UTP14A: variants seen among roughly 807,000 people sequenced by gnomAD.
UTP14A encodes UTP14A small subunit processome component, also known as U3 small nucleolar RNA-associated protein 14 homolog A.
A neutral mutation model predicts 57.2 loss-of-function variants in UTP14A; 5 were observed. That is an observed-to-expected ratio of 0.09 (90% confidence interval 0.05 to 0.18). The LOEUF (loss-of-function observed/expected upper bound fraction) is 0.18. Among genes scored for constraint, UTP14A ranks in the 10% least tolerant of loss-of-function variants. The pLI is 1.00. For synonymous variants in UTP14A, 169 were observed against 210.9 expected, an observed-to-expected ratio of 0.80 and a Z score of 1.72; for missense variants, 430 against 562.1, an observed-to-expected ratio of 0.76 and a Z score of 2.38.
Position 129,911,167 on chromosome X carries a change from G to A in UTP14A, c.381+17G>A, listed in dbSNP as rs1929450884. On this transcript the variant is annotated intron_variant, in intron 5 of 14. Transcript: ENST00000394422. ...ATTGAACGGGTAAGCTACAGAGAAG[G>A]TGGTCTATTAAGGGAAAGAAATTGA... 2.5e-6 allele frequency: 3 copies of A among 1,199,401 alleles called. No individual in the cohort carries two copies. The East Asian group carries it at 8.9e-5, about 36-fold the overall frequency.
Position 129,921,180 on chromosome X carries a change from ACT to A in UTP14A, c.955-11_955-10del, listed in dbSNP as rs779053493. 159 of 1,191,023 alleles carry A rather than the reference ACT, an allele frequency of 1.3e-4. No individual in the cohort carries two copies. The South Asian group carries it at 2.7e-3, about 20-fold the overall frequency. The stretch of plus-strand genomic sequence containing the variant: ...CTAATGACAGGGCTCTCATGCTGTG[ACT>A]CTTTCCTCCAGGCTCGCCAAGCTAT... On this transcript the variant is annotated splice_polypyrimidine_tract_variant and intron_variant, in intron 10 of 14. Coordinates refer to ENST00000394422, the MANE Select transcript of UTP14A (RefSeq NM_006649.4).
intron 3 of UTP14A, chrX:129,908,383 C>G (rs1389762480): frequency 1.5e-5 from 6 of 406,224 alleles, no homozygotes; most frequent in Non-Finnish European, 2.1e-5. Flanking sequence ...AATAAATTTA[C>G]TTACCCCCAA....
chrX:129,909,916 A>G (rs994517424), intron 4 of UTP14A, among the ~76,000 whole-genome samples: 4 of 112,369 alleles, frequency 3.6e-5, no homozygotes, highest in African/African-American at 1.3e-4. Context: ...TCTACTAGGT[A>G]GCAGTATCAG....
chrX:129,918,417 C>T (rs1335627853), intron 6 of UTP14A, among the ~76,000 whole-genome samples: 2 of 96,884 alleles, frequency 2.1e-5, no homozygotes, highest in African/African-American at 7.7e-5. Context: ...AAAAAAAAAA[C>T]TAACCGCCCC....
At chrX:129,907,739 A>G (rs113771202) in intron 2 of UTP14A, among the ~76,000 whole-genome samples, 39 of 111,584 alleles carry the variant, frequency 3.5e-4, no homozygotes, top group South Asian at 1.1e-3. Context: ...GGCAGATCAC[A>G]AGGTCAGGAG....
Position 129,907,352 on chromosome X carries a change from T to C in UTP14A, c.27-15T>C. 8.3e-7 allele frequency: 1 copy of C among 1,201,982 alleles called. No homozygotes were observed. The highest frequency in any genetic ancestry group is 1.1e-6 in the Non-Finnish European group (1 of 890,947). Reference sequence around the variant, plus strand: ...GTATATTGCATTCACATTTCTCTGTTGCCTCTTTTAACAGCCTTCTGGCTT... The same window carrying C: ...GTATATTGCATTCACATTTCTCTGTCGCCTCTTTTAACAGCCTTCTGGCTT... On this transcript the variant is annotated splice_polypyrimidine_tract_variant and intron_variant, in intron 1 of 14. Coordinates refer to ENST00000394422, the MANE Select transcript of UTP14A (RefSeq NM_006649.4).
Position 129,907,274 on chromosome X carries a change from T to A in UTP14A, c.27-93T>A, listed in dbSNP as rs1929288022. 3 of 701,644 alleles carry A rather than the reference T, an allele frequency of 4.3e-6. No individual in the cohort carries two copies. In the East Asian group the frequency reaches 1.1e-4, roughly 25 times the overall value. 57.8% of individuals were successfully genotyped at this position (701,644 alleles called of 1,213,427 possible). On this transcript the variant is annotated intron_variant, in intron 1 of 14. Coordinates refer to ENST00000394422, the MANE Select transcript of UTP14A (RefSeq NM_006649.4). ...CTTCAAATAATAATATTTCTTTTTTTAATTTCGACTTTTATTATAATTAAG... is the reference window on the plus strand; with the variant it reads ...CTTCAAATAATAATATTTCTTTTTTAAATTTCGACTTTTATTATAATTAAG...
In UTP14A at chrX:129,915,512, G is replaced by A. The variant is rs1381147568; in HGVS notation, c.537+3591G>A. ...TGCACTCCAGCCTGGGCGACAGAGC[G>A]AGACTCTGTCTCAAAAAAAAAAAAA... On this transcript the variant is annotated intron_variant, in intron 6 of 14. Coordinates refer to ENST00000394422, the MANE Select transcript of UTP14A (RefSeq NM_006649.4). Among the ~76,000 whole-genome samples, 9 of 87,867 alleles carry A rather than the reference G, an allele frequency of 1.0e-4. No individual in the cohort carries two copies. In the East Asian group the frequency reaches 2.1e-3, roughly 21 times the overall value. 76.3% of individuals were successfully genotyped at this position (87,867 alleles called of 115,157 possible).
chrX:129,915,951 C>CTTT (rs767150196), intron 6 of UTP14A, among the ~76,000 whole-genome samples: 15 of 81,931 alleles, frequency 1.8e-4, no homozygotes, highest in African/African-American at 4.2e-4. Context: ...AATTCCATGA[C>CTTT]TTTTTTTTTT....
intron 14 of UTP14A, among the ~76,000 whole-genome samples, chrX:129,927,565 G>A (rs1003660436): frequency 8.9e-6 from 1 of 111,913 alleles, no homozygotes; most frequent in African/African-American, 3.3e-5. Flanking sequence ...GGAATGCAGT[G>A]GCACGATCCC....
chrX:129,925,924 TGAAGAG>T lies in UTP14A; in HGVS notation c.1758_1763del (p.Glu587_Glu588del). ...TCTCGCTTGTTTCTTCCCAGGAAGA[TGAAGAG>T]GAGAGAAACCATAGGCAGATGATAA... On this transcript the variant is annotated inframe_deletion, in exon 13 of 15. Coordinates refer to ENST00000394422, the MANE Select transcript of UTP14A (RefSeq NM_006649.4). The T allele has an allele frequency of 8.3e-7, 1 of 1,210,049 alleles. No individual in the cohort carries two copies. The highest frequency in any genetic ancestry group is 1.7e-5 in the African/African-American group (1 of 57,735).
intron 6 of UTP14A, chrX:129,913,492 CA>C: frequency 3.3e-6 from 1 of 307,252 alleles, no homozygotes; most frequent in Middle Eastern, 6.7e-4. Flanking sequence ...TTTTTACCCC[CA>C]TACTCACCCA....
At position 129,919,229 on chromosome X, in the gene UTP14A, C is replaced by T; in HGVS notation, c.592C>T (p.Pro198Ser). 2 of 1,211,787 alleles carry T rather than the reference C, an allele frequency of 1.7e-6. No homozygotes were observed. The highest frequency in any genetic ancestry group is 2.2e-6 in the Non-Finnish European group (2 of 895,457). The change falls in exon 7 of 15, where the codon CCA becomes TCA. Residue 198 changes from proline (P) to serine (S), a missense_variant. Around this residue, in one of 4 missense-constraint regions of UTP14A, gnomAD observed 145 missense variants for 153.5 expected, o/e 0.94. Coordinates refer to ENST00000394422, the MANE Select transcript of UTP14A (RefSeq NM_006649.4). ...CAACCTCCTCCATAAGAACAAGCAG[C>T]CAGTGACAGACCCTTTACTGACCCC... is the stretch of plus-strand genomic sequence containing the variant. ...IFNLLHKNKQ[P>S]VTDPLLTPVE...
chrX:129,921,943 A>C (rs1192746356), intron 11 of UTP14A: 1 of 159,348 alleles, frequency 6.3e-6, no homozygotes, highest in Non-Finnish European at 1.2e-5. Flanking sequence ...TAGAATGGCA[A>C]ATCTGAAAGT....
At position 129,921,199 on chromosome X, in the gene UTP14A, C is replaced by T. The variant is rs547007257; in HGVS notation, c.960C>T (p.Arg320=). ...GCTGTGACTCTTTCCTCCAGGCTCGCCAAGCTATGCAGGAACAGTTGTCTA... is the reference window on the plus strand; with the variant it reads ...GCTGTGACTCTTTCCTCCAGGCTCGTCAAGCTATGCAGGAACAGTTGTCTA... ...AIMAKYDLEA[R]QAMQEQLSKN... The change falls in exon 11 of 15, where the codon CGC becomes CGT. Residue 320 remains arginine, a synonymous_variant. Transcript: ENST00000394422. 8.3e-7 allele frequency: 1 copy of T among 1,199,375 alleles called. No individual in the cohort carries two copies. Among genetic ancestry groups the T allele is most frequent in the Middle Eastern group, 2.4e-4 (1 of 4,196 alleles).
At chrX:129,913,650 T>C (rs1929563645) in intron 6 of UTP14A, among the ~76,000 whole-genome samples, 1 of 111,989 alleles carries the variant, frequency 8.9e-6, no homozygotes, top group African/African-American at 3.2e-5. Flanking sequence ...GACAGTGTAA[T>C]CTTGGAGATA....
In UTP14A at chrX:129,907,382, C is replaced by A. The variant is rs1384567244; in HGVS notation, c.42C>A (p.Ser14Arg). The A allele has an allele frequency of 8.3e-7, 1 of 1,208,342 alleles. No homozygotes were observed. The highest frequency in any genetic ancestry group is 3.0e-5 in the East Asian group (1 of 33,644). The change falls in exon 2 of 15, where the codon AGC becomes AGA. Residue 14 changes from serine to arginine, a missense_variant. By Grantham distance (110) the Ser-to-Arg change is moderately radical. Coordinates refer to ENST00000394422, the MANE Select transcript of UTP14A (RefSeq NM_006649.4). ...CTTTTAACAGCCTTCTGGCTTTGAG[C>A]CAACAGGAAGAACTAGCGGATTTGC... ...NRLAESLLAL[S>R]QQEELADLPK... is the part of the protein sequence containing the mutation.
At chrX:129,923,912 T>C (rs984472046) in intron 11 of UTP14A, among the ~76,000 whole-genome samples, 4 of 110,639 alleles carry the variant, frequency 3.6e-5, no homozygotes, top group Admixed American at 2.9e-4. Context: ...ATACAGTGGA[T>C]CATTGGCAAA....
At chrX:129,910,093 G>A (rs975485639) in intron 4 of UTP14A, among the ~76,000 whole-genome samples, 4 of 111,995 alleles carry the variant, frequency 3.6e-5, no homozygotes, top group East Asian at 2.8e-4. Context: ...AATTGAAGCC[G>A]AGATCTGAAT....
Sources: gnomAD v4.1 joint callset for allele counts (sites outside exome capture counted in the v4.1 genomes callset) on GRCh38, gnomAD v4.1.1 for gene constraint, gnomAD v4.1.1 regional missense constraint, MANE v1.5 for transcripts, NCBI Gene and HGNC (gene_info 2026-07-23, HGNC 2026-07-21) for gene names.